The following KCNK4 variants were observed in gnomAD, a reference collection of about 807,000 sequenced individuals.
KCNK4 encodes the protein potassium two pore domain channel subfamily K member 4, also known as potassium channel subfamily K member 4.
In KCNK4, 22 loss-of-function variants were observed where a neutral mutation model predicts 28.8. The observed-to-expected ratio is 0.76, with a 90% CI of 0.55 to 1.09. The LOEUF (loss-of-function observed/expected upper bound fraction) is 1.09, where lower values mean the gene tolerates loss of function less well. Among genes scored for constraint, KCNK4 ranks in the 50% least tolerant of loss-of-function variants. KCNK4 has a pLI of 0.00. For synonymous variants in KCNK4, 263 were observed against 252.9 expected (o/e 1.04, Z -0.38); for missense variants, 483 against 546.3 (o/e 0.88, Z 1.15).
In KCNK4 at chr11:64,299,511, C is replaced by T; in HGVS notation, c.967C>T (p.Pro323Ser). 6.2e-7 allele frequency: 1 copy of T among 1,609,262 alleles called. No homozygotes were observed. The highest frequency in any genetic ancestry group is 8.5e-7 in the Non-Finnish European group (1 of 1,178,696). The change falls in exon 7 of 7, where the codon CCC becomes TCC. Residue 323 changes from proline (P) to serine (S), a missense_variant. Pro to Ser is a moderately conservative substitution (Grantham distance 74). Transcript: ENST00000422670. ...PLGRPRSPSP[P>S]EKAQPPSPPT... ...GGGCAGGCCCCGATCCCCTTCGCCC[C>T]CCGAGAAGGCTCAGCCGCCTTCCCC...
rs995662624 is a variant in KCNK4 at position 64,296,329 on chromosome 11, T to C, written c.190-549T>C. On this transcript the variant is annotated intron_variant, in intron 2 of 6. Transcript: ENST00000422670. ...GAGAAAGTCCCTAGCTTTCTTGAGATTTTCTAAGGAAAGGGACTCAAATTC... is the reference window on the plus strand; with the variant it reads ...GAGAAAGTCCCTAGCTTTCTTGAGACTTTCTAAGGAAAGGGACTCAAATTC... Among the ~76,000 whole-genome samples, 5 of 151,970 alleles carry C rather than the reference T, an allele frequency of 3.3e-5. No individual in the cohort carries two copies. In the East Asian group the frequency reaches 9.7e-4, roughly 29 times the overall value.
rs764588850 is a variant in KCNK4 at position 64,298,165 on chromosome 11, C to A, written c.717C>A (p.Ile239=). ...ATCAGCCGCTGGTGTGGTTCTGGAT[C>A]CTGCTCGGCCTGGCTTACTTCGCCT... ...PAYQPLVWFW[I]LLGLAYFASV... The change falls in exon 6 of 7, where the codon ATC becomes ATA. Residue 239 remains isoleucine (I), a synonymous_variant. Coordinates refer to ENST00000422670, the MANE Select transcript of KCNK4 (RefSeq NM_033310.3). 1.5e-5 allele frequency: 25 copies of A among 1,613,794 alleles called. No individual in the cohort carries two copies. Among genetic ancestry groups the A allele is most frequent in the Non-Finnish European group, 1.9e-5 (23 of 1,180,036 alleles).
intron 2 of KCNK4, among the ~76,000 whole-genome samples, chr11:64,294,370 T>C (rs1038816687): frequency 2.0e-5 from 3 of 151,690 alleles, no homozygotes; most frequent in African/African-American, 7.3e-5. Flanking sequence ...ATACAAAAAT[T>C]AGCCGGGTGT....
intron 2 of KCNK4, among the ~76,000 whole-genome samples, chr11:64,293,791 G>T (rs2034699821): frequency 6.6e-6 from 1 of 151,958 alleles, no homozygotes; most frequent in Non-Finnish European, 1.5e-5. Context: ...AGTAGAGATG[G>T]GGTTTCACCA....
Position 64,297,018 on chromosome 11 carries a change from G to A in KCNK4, c.313+17G>A. The A allele has an allele frequency of 3.8e-6, 6 of 1,571,212 alleles. No homozygotes were observed. Among genetic ancestry groups the A allele is most frequent in the Non-Finnish European group, 4.3e-6 (5 of 1,157,134 alleles). Reference sequence around the variant, plus strand: ...CCACCATCGGTGGGGGAGGGGATTGGCATGTGGGGGGCGGCAAGGAGCTTC... The same window carrying A: ...CCACCATCGGTGGGGGAGGGGATTGACATGTGGGGGGCGGCAAGGAGCTTC... On this transcript the variant is annotated intron_variant, in intron 3 of 6. Transcript: ENST00000422670.
intron 2 of KCNK4, among the ~76,000 whole-genome samples, chr11:64,296,645 G>T (rs1271026329): frequency 1.3e-5 from 2 of 152,160 alleles, no homozygotes; most frequent in African/African-American, 4.8e-5. Context: ...GAAGTTAGGG[G>T]CCAGATACTG....
At position 64,299,842 on chromosome 11, in the gene KCNK4, A is replaced by G. The variant is rs1289776879; in HGVS notation, c.*116A>G. 3 of 1,526,774 alleles carry G rather than the reference A, an allele frequency of 2.0e-6. No homozygotes were observed. The South Asian group carries it at 3.6e-5, about 18-fold the overall frequency. 94.6% of individuals were successfully genotyped at this position (1,526,774 alleles called of 1,614,324 possible). A position where few individuals can be genotyped will look rare whatever the true frequency, so the allele number is the denominator to read the frequency against. On this transcript the variant is annotated 3_prime_UTR_variant, in exon 7 of 7. Coordinates refer to ENST00000422670, the MANE Select transcript of KCNK4 (RefSeq NM_033310.3). ...GAGACTGAAGTCTGGGGAGGAGGCT[A>G]CAGTTGCCTCTCCGCCTCCTCCCTG...
chr11:64,297,002 G>A lies in KCNK4; in HGVS notation c.313+1G>A. The A allele has an allele frequency of 6.5e-7, 1 of 1,550,222 alleles. No homozygotes were observed. The highest frequency in any genetic ancestry group is 1.2e-5 in the South Asian group (1 of 81,192). On this transcript the variant is annotated splice_donor_variant, in intron 3 of 6. Coordinates refer to ENST00000422670, the MANE Select transcript of KCNK4 (RefSeq NM_033310.3). LOFTEE classifies it high-confidence loss of function. The stretch of plus-strand genomic sequence containing the variant: ...TCAGGGACCATCATCACCACCATCG[G>A]TGGGGGAGGGGATTGGCATGTGGGG...
intron 2 of KCNK4, among the ~76,000 whole-genome samples, chr11:64,294,488 C>T (rs2034716432): frequency 7.0e-6 from 1 of 142,648 alleles, no homozygotes; most frequent in African/African-American, 2.6e-5. Flanking sequence ...ACTGCACTCA[C>T]TCCAGCCCAG....
At chr11:64,297,415 G>A (rs2034799627) in intron 4 of KCNK4, 52 bp from the exon 5 acceptor site, 1 of 1,602,368 alleles carries the variant, frequency 6.2e-7, no homozygotes. Context: ...GGGAGTATGG[G>A]AGTGGGGATT....
In KCNK4 at chr11:64,297,225, C is replaced by T; in HGVS notation, c.420C>T (p.Asp140=). 1 of 1,614,034 alleles carries T rather than the reference C, an allele frequency of 6.2e-7. No homozygotes were observed. The highest frequency in any genetic ancestry group is 8.5e-7 in the Non-Finnish European group (1 of 1,180,000). The change falls in exon 4 of 7, where the codon GAC becomes GAT. Residue 140 remains aspartate, a synonymous_variant. Coordinates refer to ENST00000422670, the MANE Select transcript of KCNK4 (RefSeq NM_033310.3). ...LFGILLAGVG[D]RLGSSLRHGI... is the part of the protein sequence containing the mutation. ...GGATCCTACTGGCAGGGGTCGGGGACCGGCTGGGCTCCTCCCTGCGCCATG... is the reference window on the plus strand; with the variant it reads ...GGATCCTACTGGCAGGGGTCGGGGATCGGCTGGGCTCCTCCCTGCGCCATG...
In KCNK4 at chr11:64,292,015, C is replaced by T. The variant is rs553769507; in HGVS notation, c.-78+449C>T. The T allele has an allele frequency of 2.1e-5, 25 of 1,185,424 alleles. No homozygotes were observed. In the Middle Eastern group the frequency reaches 8.7e-4, roughly 41 times the overall value. 73.4% of individuals were successfully genotyped at this position (1,185,424 alleles called of 1,614,324 possible). ...GTGGCCCTGCTGTCTGGCGTGTGCA[C>T]GCTAGTGTCCACACACGTGTGCGTG... On this transcript the variant is annotated intron_variant, in intron 1 of 6. Transcript: ENST00000422670.
rs746486364 is a variant in KCNK4 at position 64,297,295 on chromosome 11, C to T, written c.474+16C>T. 1.2e-6 allele frequency: 2 copies of T among 1,602,298 alleles called. No homozygotes were observed. The highest frequency in any genetic ancestry group is 2.2e-5 in the South Asian group (2 of 89,462). On this transcript the variant is annotated intron_variant, in intron 4 of 6. Coordinates refer to ENST00000422670, the MANE Select transcript of KCNK4 (RefSeq NM_033310.3). ...CATCTTCTTGGTGAGCTGCTCCATGCCCTGCCTGCCCTTGTGCTGGGCTCC... is the reference window on the plus strand; with the variant it reads ...CATCTTCTTGGTGAGCTGCTCCATGTCCTGCCTGCCCTTGTGCTGGGCTCC...
At chr11:64,291,718 G>T (rs1565367168) in intron 1 of KCNK4, 152 bp downstream of exon 1, 2 of 151,778 alleles carry the variant, frequency 1.3e-5, no homozygotes, top group Non-Finnish European at 2.9e-5. Context: ...CCGCCTCCGC[G>T]GCCCAGTCGG....
chr11:64,293,087 G>C lies in KCNK4; in HGVS notation c.69G>C (p.Val23=). The C allele has an allele frequency of 6.5e-7, 1 of 1,548,844 alleles. No homozygotes were observed. The highest frequency in any genetic ancestry group is 1.2e-5 in the South Asian group (1 of 83,570). The change falls in exon 2 of 7, where the codon GTG becomes GTC. Residue 23 remains valine, a synonymous_variant. Transcript: ENST00000422670. ...TTTACTTGGTGTCTGGTGCCCTGGT[G>C]TTCCGGGCCCTGGAGCAGCCCCACG... ...VLLYLVSGAL[V]FRALEQPHEQ...
chr11:64,299,372 C>T lies in KCNK4; in HGVS notation c.828C>T (p.Ala276=), dbSNP rs1291775809. 6.4e-7 allele frequency: 1 copy of T among 1,572,282 alleles called. No homozygotes were observed. The highest frequency in any genetic ancestry group is 1.2e-5 in the South Asian group (1 of 86,538). The change falls in exon 7 of 7, where the codon GCC becomes GCT. Residue 276 remains alanine (A), a synonymous_variant. Transcript: ENST00000422670. ...TGGGCGGCCTCACGGCTCAGGCTGC[C>T]AGCTGGACTGGCACGGTGACAGCGC... ...AEMGGLTAQA[A]SWTGTVTARV... is the part of the protein sequence containing the mutation.
intron 6 of KCNK4, 132 bp from the exon 7 acceptor site, chr11:64,299,214 C>A: frequency 1.2e-6 from 1 of 834,286 alleles, no homozygotes; most frequent in South Asian, 2.1e-5. Context: ...ATCCTTGGGG[C>A]TGGCTGAGGC....
intron 2 of KCNK4, chr11:64,296,004 T>C (rs2034756054): frequency 6.6e-6 from 1 of 152,084 alleles, no homozygotes; most frequent in Admixed American, 6.6e-5. Context: ...GACACCCAAA[T>C]AGGGACATTA....
chr11:64,295,329 A>G (rs2034738721), intron 2 of KCNK4, among the ~76,000 whole-genome samples: 1 of 152,132 alleles, frequency 6.6e-6, no homozygotes, highest in South Asian at 2.1e-4. Context: ...TGATTGAAAT[A>G]CACCAGGCGA....
Sources: gnomAD v4.1 joint callset for allele counts (sites outside exome capture counted in the v4.1 genomes callset) on GRCh38, gnomAD v4.1.1 for gene constraint, MANE v1.5 for transcripts, NCBI Gene and HGNC (gene_info 2026-07-23, HGNC 2026-07-21) for gene names.